CTNND1: variants seen among roughly 807,000 people sequenced by gnomAD.
The protein encoded by CTNND1 is catenin delta-1.
CTNND1 carries 16 observed loss-of-function variants against 112.1 expected under a neutral mutation model. The observed-to-expected ratio is 0.14, with a 90% CI of 0.10 to 0.22. The LOEUF (loss-of-function observed/expected upper bound fraction) is 0.22, where lower values mean the gene tolerates loss of function less well. Among genes scored for constraint, CTNND1 ranks in the 10% least tolerant of loss-of-function variants. The probability of loss-of-function intolerance (pLI) is 1.00; values close to 1 mark genes in which losing one functional copy is unlikely to be tolerated. For synonymous variants in CTNND1, 420 were observed against 446.5 expected (o/e 0.94, Z 0.75); for missense variants, 1,008 against 1,257.0 (o/e 0.80, Z 3.00).
intron 6 of CTNND1, among the ~76,000 whole-genome samples, chr11:57,800,856 C>T (rs990795154): frequency 2.6e-5 from 4 of 152,210 alleles, no homozygotes; most frequent in African/African-American, 7.2e-5. Flanking sequence ...GTGTGACAGA[C>T]TCACCCTCTA....
chr11:57,802,771 A>G (rs959986099), intron 7 of CTNND1, among the ~76,000 whole-genome samples: 1 of 152,252 alleles, frequency 6.6e-6, no homozygotes. Context: ...TGAATAAAAC[A>G]AAATTTTGTG....
In CTNND1 at chr11:57,792,429, G is replaced by A. The variant is rs1435939648; in HGVS notation, c.195+756G>A. Among the ~76,000 whole-genome samples the A allele has an allele frequency of 2.0e-5, 3 of 152,186 alleles. No homozygotes were observed. In the East Asian group the frequency reaches 5.8e-4, roughly 29 times the overall value. The stretch of plus-strand genomic sequence containing the variant: ...TCTGTCTTCCTCTGTGTGTGTGTGC[G>A]TGTGTGCGCGCGCACTCGCGCATGT... On this transcript the variant is annotated intron_variant, in intron 3 of 20. Transcript: ENST00000399050.
chr11:57,810,066 G>T (rs1238879354), intron 15 of CTNND1, 43 bp from the exon 16 acceptor site: 1 of 1,498,980 alleles, frequency 6.7e-7, no homozygotes, highest in Admixed American at 2.0e-5. Flanking sequence ...CTTTTTTCCT[G>T]ATTTTATATC....
chr11:57,802,613 T>C (rs1262438197), intron 7 of CTNND1, among the ~76,000 whole-genome samples: 2 of 152,256 alleles, frequency 1.3e-5, no homozygotes, highest in Non-Finnish European at 2.9e-5. Flanking sequence ...ACTGCTATTT[T>C]TTCACATGCT....
chr11:57,783,933 A>G (rs567084491), intron 1 of CTNND1, among the ~76,000 whole-genome samples: 9 of 151,744 alleles, frequency 5.9e-5, no homozygotes, highest in African/African-American at 2.2e-4. Flanking sequence ...TTATTTACGT[A>G]TTTATTTTTG....
intron 1 of CTNND1, among the ~76,000 whole-genome samples, chr11:57,778,252 C>G (rs1024004347): frequency 2.6e-5 from 4 of 152,006 alleles, no homozygotes; most frequent in African/African-American, 7.2e-5. Context: ...GTAATCAACT[C>G]TATGCTTGTA....
intron 1 of CTNND1, among the ~76,000 whole-genome samples, chr11:57,782,054 C>A (rs1179564147): frequency 1.3e-5 from 2 of 150,620 alleles, no homozygotes; most frequent in South Asian, 2.1e-4. Context: ...TTTTAAGTTG[C>A]AGTAAAAACT....
chr11:57,798,339 T>C (rs1415104692), intron 6 of CTNND1, among the ~76,000 whole-genome samples: 1 of 92,812 alleles, frequency 1.1e-5, no homozygotes, highest in African/African-American at 3.9e-5. Context: ...ATAGTGAGAC[T>C]GTCTCAAAAA....
At chr11:57,774,982 G>A (rs947419924) in intron 1 of CTNND1, among the ~76,000 whole-genome samples, 5 of 151,396 alleles carry the variant, frequency 3.3e-5, no homozygotes, top group Non-Finnish European at 2.9e-5. Context: ...CAAAGTGCTG[G>A]GATTACAGGT....
At position 57,806,049 on chromosome 11, in the gene CTNND1, C is replaced by T. The variant is rs745457504; in HGVS notation, c.1876+14C>T. 2.5e-6 allele frequency: 4 copies of T among 1,604,146 alleles called. No homozygotes were observed. The highest frequency in any genetic ancestry group is 3.4e-6 in the Non-Finnish European group (4 of 1,174,844). On this transcript the variant is annotated intron_variant, in intron 10 of 20. Transcript: ENST00000399050. ...AGAAGGGCAAAGGTGAGTCTTGGTTCCTGTTTCTTAGTCTTTAATGTGGGA... is the reference window on the plus strand; with the variant it reads ...AGAAGGGCAAAGGTGAGTCTTGGTTTCTGTTTCTTAGTCTTTAATGTGGGA...
chr11:57,814,742 C>G (rs1029199784), intron 18 of CTNND1, among the ~76,000 whole-genome samples: 2 of 152,086 alleles, frequency 1.3e-5, no homozygotes, highest in African/African-American at 2.4e-5. Context: ...TGATTCTGCT[C>G]ATGTAATACC....
chr11:57,791,156 T>C (rs544334416), intron 2 of CTNND1, among the ~76,000 whole-genome samples: 3 of 152,300 alleles, frequency 2.0e-5, no homozygotes, highest in African/African-American at 4.8e-5. Flanking sequence ...TTAGATTTAA[T>C]TGCACCTTTC....
intron 6 of CTNND1, among the ~76,000 whole-genome samples, chr11:57,798,878 A>C (rs992045059): frequency 6.6e-6 from 1 of 152,214 alleles, no homozygotes; most frequent in South Asian, 2.1e-4. Flanking sequence ...GGTTTGGCCC[A>C]TGGGCTGCCA....
chr11:57,770,651 C>A (rs1435612489), intron 1 of CTNND1, among the ~76,000 whole-genome samples: 4 of 147,822 alleles, frequency 2.7e-5, no homozygotes, highest in African/African-American at 1.0e-4. Context: ...GACTCCATCT[C>A]AAAAAAAATA....
At position 57,794,027 on chromosome 11, in the gene CTNND1, C is replaced by A. The variant is rs553795773; in HGVS notation, c.213C>A (p.Gly71=). 1.2e-6 allele frequency: 2 copies of A among 1,613,910 alleles called. No homozygotes were observed. Among genetic ancestry groups the A allele is most frequent in the Non-Finnish European group, 1.7e-6 (2 of 1,179,864 alleles). The change falls in exon 4 of 21, where the codon GGC becomes GGA. Residue 71 remains glycine (G), a synonymous_variant. Transcript: ENST00000399050. ...TRRHQNGRFV[G]DADLERQKFS... The stretch of plus-strand genomic sequence containing the variant: ...TGTTTCAGAACGGCCGGTTTGTGGG[C>A]GATGCTGACCTTGAAAGACAGAAAT...
In CTNND1 at chr11:57,806,056, C is replaced by T. The variant is rs755312231; in HGVS notation, c.1876+21C>T. On this transcript the variant is annotated intron_variant, in intron 10 of 20. Coordinates refer to ENST00000399050, the MANE Select transcript of CTNND1 (RefSeq NM_001085458.2). Reference sequence around the variant, plus strand: ...CAAAGGTGAGTCTTGGTTCCTGTTTCTTAGTCTTTAATGTGGGATAGGGAA... The same window carrying T: ...CAAAGGTGAGTCTTGGTTCCTGTTTTTTAGTCTTTAATGTGGGATAGGGAA... 1.9e-6 allele frequency: 3 copies of T among 1,600,496 alleles called. No individual in the cohort carries two copies. The African/African-American group carries it at 4.0e-5, about 21-fold the overall frequency.
chr11:57,814,086 G>T (rs2063678137), intron 17 of CTNND1: 7 of 487,302 alleles, frequency 1.4e-5, no homozygotes, highest in South Asian at 1.4e-4. Context: ...AGACTGAGGT[G>T]GGAGAATCAC....
rs879409277 is a variant in CTNND1 at position 57,782,034 on chromosome 11, AT to A, written c.-213-6990del. Among the ~76,000 whole-genome samples the A allele has an allele frequency of 6.1e-3, 887 of 145,138 alleles. 1 individual carries two copies. Among genetic ancestry groups the A allele is most frequent in the Non-Finnish European group, 6.8e-3 (447 of 65,596 alleles). ...TTAGGAGGTCATGATGGTGGAGGTG[AT>A]TTTTTTTTTTTTAAGTTGCAGTAAA... On this transcript the variant is annotated intron_variant, in intron 1 of 20. Transcript: ENST00000399050.
intron 1 of CTNND1, among the ~76,000 whole-genome samples, chr11:57,786,131 G>A (rs2060103975): frequency 6.6e-6 from 1 of 151,966 alleles, no homozygotes. Context: ...CTAGTCTTAA[G>A]GGGGAATAAC....
Sources: allele counts gnomAD v4.1 joint callset (sites outside exome capture counted in the v4.1 genomes callset), GRCh38; gene constraint gnomAD v4.1.1; transcripts MANE v1.5; gene names NCBI Gene and HGNC (gene_info 2026-07-23, HGNC 2026-07-21).